The following SLC6A5 variants were observed in gnomAD, a reference collection of about 807,000 sequenced individuals.
The protein encoded by SLC6A5 is solute carrier family 6 member 5.
A neutral mutation model predicts 90.5 loss-of-function variants in SLC6A5; 58 were observed. That is an observed-to-expected ratio of 0.64 (90% CI 0.52 to 0.80). The LOEUF is 0.80. Among genes scored for constraint, SLC6A5 ranks in the 30% least tolerant of loss-of-function variants. SLC6A5 has a pLI of 0.00. For missense variants in SLC6A5, 1,015 were observed against 1,017.6 expected, an observed-to-expected ratio of 1.00 and a Z score of 0.03; for synonymous variants, 427 against 401.4, an observed-to-expected ratio of 1.06 and a Z score of -0.76.
chr11:20,621,702 T>C (rs1044449039), intron 7 of SLC6A5, among the ~76,000 whole-genome samples: 2 of 152,234 alleles, frequency 1.3e-5, no homozygotes. Flanking sequence ...TCCTTTGTGA[T>C]TGAAATCCCA....
chr11:20,651,356 C>G (rs988894620), intron 14 of SLC6A5, among the ~76,000 whole-genome samples: 1 of 149,826 alleles, frequency 6.7e-6, no homozygotes, highest in Non-Finnish European at 1.5e-5. Context: ...TTACTGCAGC[C>G]TCTGCCTCCC....
In SLC6A5 at chr11:20,655,507, A is replaced by G. The variant is rs1293878848; in HGVS notation, c.*639A>G. Reference sequence around the variant, plus strand: ...CACTAACTCAGATGCTACAGTCTACACATTGTGACTTTGATTGAACTGTCA... The same window carrying G: ...CACTAACTCAGATGCTACAGTCTACGCATTGTGACTTTGATTGAACTGTCA... On this transcript the variant is annotated 3_prime_UTR_variant, in exon 16 of 16. Coordinates refer to ENST00000525748, the MANE Select transcript of SLC6A5 (RefSeq NM_004211.5). 1 of 153,444 alleles carries G rather than the reference A, an allele frequency of 6.5e-6. No homozygotes were observed. Among genetic ancestry groups the G allele is most frequent in the Admixed American group, 6.4e-5 (1 of 15,614 alleles). 9.5% of individuals were successfully genotyped at this position (153,444 alleles called of 1,614,324 possible).
rs1172531250 is a variant in SLC6A5 at position 20,655,093 on chromosome 11, GT to G, written c.*228del. On this transcript the variant is annotated 3_prime_UTR_variant, in exon 16 of 16. Coordinates refer to ENST00000525748, the MANE Select transcript of SLC6A5 (RefSeq NM_004211.5). Reference sequence around the variant, plus strand: ...CTGTTTGCCTGTGCCCATGGTGACTGTTTCTGGTCAGGTTGGTCCCCTGACC... The same window carrying G: ...CTGTTTGCCTGTGCCCATGGTGACTGTTCTGGTCAGGTTGGTCCCCTGACC... 7 of 566,158 alleles carry G rather than the reference GT, an allele frequency of 1.2e-5. No homozygotes were observed. Among genetic ancestry groups the G allele is most frequent in the Non-Finnish European group, 2.0e-5 (6 of 306,792 alleles). The allele number at this position is 566,158 out of a possible 1,614,324, so 35.1% of individuals were successfully genotyped here.
intron 5 of SLC6A5, among the ~76,000 whole-genome samples, chr11:20,609,343 GCC>G (rs1452966861): frequency 6.6e-6 from 1 of 151,306 alleles, no homozygotes; most frequent in East Asian, 1.9e-4. Flanking sequence ...TCTTTGTGCA[GCC>G]CCTCCATCTG....
In SLC6A5 at chr11:20,645,871, G is replaced by A. The variant is rs76958865; in HGVS notation, c.1970-963G>A. ...GGGATGTTCTCGATCTCCTGACCTCGTGATCCACCTGCCTTGGCCTCCCAA... is the reference window on the plus strand; with the variant it reads ...GGGATGTTCTCGATCTCCTGACCTCATGATCCACCTGCCTTGGCCTCCCAA... On this transcript the variant is annotated intron_variant, in intron 13 of 15. Transcript: ENST00000525748. Among the ~76,000 whole-genome samples the A allele has an allele frequency of 5.8e-3, 886 of 152,148 alleles. 27 individuals carry two copies. The East Asian group carries it at 0.1, about 17-fold the overall frequency.
chr11:20,652,441 T>A lies in SLC6A5; in HGVS notation c.2223T>A (p.Pro741=). 1.2e-6 allele frequency: 2 copies of A among 1,614,058 alleles called. No individual in the cohort carries two copies. Among genetic ancestry groups the A allele is most frequent in the Non-Finnish European group, 1.7e-6 (2 of 1,179,900 alleles). ...TTGTGATAAAAATGCATCTGGCCCC[T>A]GGAAGATTTATTGAGGTAATTCTGT... is the stretch of plus-strand genomic sequence containing the variant. ...IMFVIKMHLA[P]GRFIERLKLV... is the part of the protein sequence containing the mutation. The change falls in exon 15 of 16, where the codon CCT becomes CCA. Residue 741 remains proline (P), a synonymous_variant. Coordinates refer to ENST00000525748, the MANE Select transcript of SLC6A5 (RefSeq NM_004211.5).
At position 20,628,096 on chromosome 11, in the gene SLC6A5, A is replaced by G. The variant is rs370366356; in HGVS notation, c.1499+13A>G. On this transcript the variant is annotated intron_variant, in intron 9 of 15. Coordinates refer to ENST00000525748, the MANE Select transcript of SLC6A5 (RefSeq NM_004211.5). ...ACAACTGCTACAGGTATGTAGAGGT[A>G]CTACAAGATCTGGGCATAGCTGGTG... 11 of 1,595,938 alleles carry G rather than the reference A, an allele frequency of 6.9e-6. No individual in the cohort carries two copies. In the African/African-American group the frequency reaches 1.2e-4, roughly 18 times the overall value.
At chr11:20,648,793 A>G (rs1485553022) in intron 14 of SLC6A5, among the ~76,000 whole-genome samples, 1 of 152,222 alleles carries the variant, frequency 6.6e-6, no homozygotes, top group East Asian at 1.9e-4. Context: ...CTCTGGAATA[A>G]CATTTCACAT....
rs1373768514 is a variant in SLC6A5 at position 20,626,736 on chromosome 11, A to G, written c.1289A>G (p.Tyr430Cys). 13 of 1,614,078 alleles carry G rather than the reference A, an allele frequency of 8.1e-6. No homozygotes were observed. Among genetic ancestry groups the G allele is most frequent in the Non-Finnish European group, 1.1e-5 (13 of 1,179,990 alleles). Residue 430 changes from tyrosine to cysteine, a missense_variant, in exon 8 of 16, where the codon TAT becomes TGT. Physicochemically the swap from Tyr to Cys is radical, Grantham distance 194. Coordinates refer to ENST00000525748, the MANE Select transcript of SLC6A5 (RefSeq NM_004211.5). ...KVVYFTATFPYVVLVILLIRG... is the reference protein window; with the variant it reads ...KVVYFTATFPCVVLVILLIRG... ...GTGTACTTCACGGCCACGTTCCCGT[A>G]TGTCGTACTCGTGATCCTCCTCATC...
intron 14 of SLC6A5, among the ~76,000 whole-genome samples, chr11:20,648,852 T>C (rs1411381559): frequency 6.6e-6 from 1 of 152,204 alleles, no homozygotes; most frequent in Non-Finnish European, 1.5e-5. Flanking sequence ...AGGCAGGCAC[T>C]TCATAAGCAT....
rs55849528 is a variant in SLC6A5, at chr11:20,650,655, C to CTTTTTT, written c.2071-1610_2071-1605dup. ...TCACCACTTGGTGATGACGCCTGTT[C>CTTTTTT]TTTTTTTTTTTTTTTTTTTTTTTTT... On this transcript the variant is annotated intron_variant, in intron 14 of 15. Coordinates refer to ENST00000525748, the MANE Select transcript of SLC6A5 (RefSeq NM_004211.5). Among the ~76,000 whole-genome samples, 5 of 79,842 alleles carry CTTTTTT rather than the reference C, an allele frequency of 6.3e-5. 1 individual carries two copies. Among genetic ancestry groups the CTTTTTT allele is most frequent in the African/African-American group, 2.0e-4 (4 of 19,656 alleles). The allele number at this position is 79,842 out of a possible 152,430, so 52.4% of individuals were successfully genotyped here.
At chr11:20,617,456 C>T (rs1357448886) in intron 6 of SLC6A5, among the ~76,000 whole-genome samples, 3 of 152,188 alleles carry the variant, frequency 2.0e-5, no homozygotes, top group Admixed American at 6.5e-5. Context: ...GTGCTAGTGA[C>T]AATGGAACTG....
Position 20,655,142 on chromosome 11 carries a change from G to A in SLC6A5, c.*274G>A. 1 of 452,028 alleles carries A rather than the reference G, an allele frequency of 2.2e-6. No homozygotes were observed. The highest frequency in any genetic ancestry group is 2.0e-5 in the South Asian group (1 of 50,250). The allele number at this position is 452,028 out of a possible 1,614,324, so 28.0% of individuals were successfully genotyped here. A position where few individuals can be genotyped will look rare whatever the true frequency, so the allele number is the denominator to read the frequency against. ...ACCACACGTTTTACCCTGCAGAGGAGGATCAGTTAGGTGAGCACTGGTAGG... is the reference window on the plus strand; with the variant it reads ...ACCACACGTTTTACCCTGCAGAGGAAGATCAGTTAGGTGAGCACTGGTAGG... On this transcript the variant is annotated 3_prime_UTR_variant, in exon 16 of 16. Coordinates refer to ENST00000525748, the MANE Select transcript of SLC6A5 (RefSeq NM_004211.5).
At chr11:20,625,393 C>T (rs963151779) in intron 7 of SLC6A5, among the ~76,000 whole-genome samples, 4 of 152,158 alleles carry the variant, frequency 2.6e-5, no homozygotes, top group African/African-American at 4.8e-5. Context: ...TCCTGAATAG[C>T]TGGGATTATA....
At chr11:20,637,425 A>T in intron 12 of SLC6A5, 122 bp downstream of exon 12, 1 of 848,154 alleles carries the variant, frequency 1.2e-6, no homozygotes, top group Non-Finnish European at 1.9e-6. Context: ...TACCATTTCC[A>T]TGTAGATGGC....
At chr11:20,635,346 G>T (rs184329583) in intron 10 of SLC6A5, among the ~76,000 whole-genome samples, 16 of 152,232 alleles carry the variant, frequency 1.1e-4, no homozygotes, top group Admixed American at 9.8e-4. Flanking sequence ...ATTTGGACCA[G>T]ATCTAACCCT....
At chr11:20,652,513 C>T (rs1424556679) in intron 15 of SLC6A5, 57 bp downstream of exon 15, 13 of 1,515,968 alleles carry the variant, frequency 8.6e-6, no homozygotes, top group South Asian at 1.1e-5. Flanking sequence ...CCCATAAAAG[C>T]TCTGCATGTT....
At chr11:20,644,637 A>G (rs768726186) in intron 13 of SLC6A5, among the ~76,000 whole-genome samples, 1 of 152,208 alleles carries the variant, frequency 6.6e-6, no homozygotes, top group Non-Finnish European at 1.5e-5. Context: ...AGGAACATCC[A>G]TAATGTTTTC....
rs1367838763 is a variant in SLC6A5, at chr11:20,623,682, A to G, written c.1261-3026A>G. 5.3e-5 allele frequency among the ~76,000 whole-genome samples: 8 copies of G among 151,674 alleles called. No homozygotes were observed. The East Asian group carries it at 1.6e-3, about 29-fold the overall frequency. ...GCCCCTCCCTACTCCCACCTTGCCG[A>G]TCTCTCCCACCTGTGCCCCCTCTCT... On this transcript the variant is annotated intron_variant, in intron 7 of 15. Transcript: ENST00000525748.
Sources: allele counts gnomAD v4.1 joint callset (sites outside exome capture counted in the v4.1 genomes callset), GRCh38; gene constraint gnomAD v4.1.1; transcripts MANE v1.5; gene names NCBI Gene and HGNC (gene_info 2026-07-23, HGNC 2026-07-21).